PCDHGA6: variants seen among roughly 807,000 people sequenced by gnomAD.
The protein encoded by PCDHGA6 is protocadherin gamma subfamily A, 6, also known as protocadherin gamma-A6.
Under a neutral mutation model 60.6 loss-of-function variants are expected in PCDHGA6, and 41 were observed. The ratio of observed to expected loss-of-function variants is 0.68; its 90% CI spans 0.53 to 0.88. The LOEUF is 0.88. PCDHGA6 is among the 40% of genes least tolerant of loss of function. The pLI, the probability that PCDHGA6 is intolerant of heterozygous loss-of-function variation, is 0.00. For synonymous variants in PCDHGA6, 594 were observed against 524.4 expected (o/e 1.13, Z -1.81); for missense variants, 1,312 against 1,203.0 (o/e 1.09, Z -1.34).
rs968865313 is a variant in PCDHGA6, at chr5:141,511,294, C to T, written c.*121C>T. 1 of 1,506,752 alleles carries T rather than the reference C, an allele frequency of 6.6e-7. No individual in the cohort carries two copies. Among genetic ancestry groups the T allele is most frequent in the Non-Finnish European group, 8.9e-7 (1 of 1,123,692 alleles). 93.3% of individuals were successfully genotyped at this position (1,506,752 alleles called of 1,614,324 possible). On this transcript the variant is annotated 3_prime_UTR_variant, in exon 4 of 4. Coordinates refer to ENST00000517434, the MANE Select transcript of PCDHGA6 (RefSeq NM_018919.3). ...CCCAGAATACTGGTAGGGGCCAAGG[C>T]CATGCTCCCCTTGGGAAACAGAAAC...
chr5:141,375,706 T>A lies in PCDHGA6; in HGVS notation c.1623T>A (p.Pro541=), dbSNP rs1771783904. 12 of 1,614,114 alleles carry A rather than the reference T, an allele frequency of 7.4e-6. No individual in the cohort carries two copies. The East Asian group carries it at 2.2e-4, about 30-fold the overall frequency. Residue 541 remains proline (P), a synonymous_variant, in exon 1 of 4, where the codon CCT becomes CCA. Coordinates refer to ENST00000517434, the MANE Select transcript of PCDHGA6 (RefSeq NM_018919.3). The part of the protein sequence containing the change: ...WVTASDSGDP[P]LSSNVSLSLF... ...CAGCCAGCGACAGCGGGGACCCGCCTCTTAGCAGCAACGTGTCACTGAGCC... is the reference window on the plus strand; with the variant it reads ...CAGCCAGCGACAGCGGGGACCCGCCACTTAGCAGCAACGTGTCACTGAGCC...
At chr5:141,384,938 C>T (rs754481008) in intron 1 of PCDHGA6, 26 of 1,613,824 alleles carry the variant, frequency 1.6e-5, no homozygotes, top group Non-Finnish European at 2.2e-5. Flanking sequence ...AGCCTTGAGC[C>T]CTCCGACGGT....
intron 1 of PCDHGA6, chr5:141,407,890 A>C (rs2094997846): frequency 2.5e-6 from 1 of 395,960 alleles, no homozygotes. Flanking sequence ...TCGGAGACCG[A>C]ATTCAAAATG....
rs146372628 is a variant in PCDHGA6, at chr5:141,476,246, G to A, written c.2425-18561G>A. On this transcript the variant is annotated intron_variant, in intron 1 of 3. Coordinates refer to ENST00000517434, the MANE Select transcript of PCDHGA6 (RefSeq NM_018919.3). The surrounding 1 kb of genome is among the most constrained non-coding windows in gnomAD (Gnocchi z 7.6). ...TGAGATCCCGGAGGAAAGAGAGAAG[G>A]GTTTCGCTGTGGGCAACGTGGTCGC... 1.0e-3 allele frequency: 1,689 copies of A among 1,613,996 alleles called. 1 individual carries two copies. Among genetic ancestry groups the A allele is most frequent in the Non-Finnish European group, 1.3e-3 (1,557 of 1,180,008 alleles).
Position 141,491,170 on chromosome 5 carries a change from G to A in PCDHGA6, c.2425-3637G>A. The stretch of plus-strand genomic sequence containing the variant: ...GGAGGATGACTCTGACACCCAGCAG[G>A]TGGTGGTCCTGGTGAGGGACAATGG... On this transcript the variant is annotated intron_variant, in intron 1 of 3. Coordinates refer to ENST00000517434, the MANE Select transcript of PCDHGA6 (RefSeq NM_018919.3). The surrounding 1 kb of genome is among the most constrained non-coding windows in gnomAD (Gnocchi z 6.9). 6.2e-7 allele frequency: 1 copy of A among 1,614,176 alleles called. No individual in the cohort carries two copies. Among genetic ancestry groups the A allele is most frequent in the Non-Finnish European group, 8.5e-7 (1 of 1,179,996 alleles).
intron 1 of PCDHGA6, chr5:141,396,465 C>T (rs1471669939): frequency 6.6e-6 from 1 of 152,072 alleles, no homozygotes; most frequent in African/African-American, 2.4e-5. Flanking sequence ...CTAAAAACTA[C>T]AAAAATTAGC....
intron 1 of PCDHGA6, among the ~76,000 whole-genome samples, chr5:141,482,944 G>A (rs1362136222): frequency 6.6e-6 from 1 of 152,094 alleles, no homozygotes; most frequent in Non-Finnish European, 1.5e-5. Context: ...GTGGTTGTGG[G>A]TGCCTGTAAT....
At chr5:141,385,055 G>A (rs773905363) in intron 1 of PCDHGA6, 3 of 1,614,182 alleles carry the variant, frequency 1.9e-6, no homozygotes, top group South Asian at 1.1e-5. Context: ...CTGCGGCGCT[G>A]GCACAAGTCA....
Position 141,375,120 on chromosome 5 carries a change from A to G in PCDHGA6, c.1037A>G (p.Glu346Gly), listed in dbSNP as rs2150053387. ...TTGGATGTCAATGATAATGTACCAG[A>G]AGTGGTTGTTACATCTGGAAGCAGA... ...TILDVNDNVP[E>G]VVVTSGSRTI... The change falls in exon 1 of 4, where the codon GAA (glutamate) becomes GGA (glycine). Residue 346 changes from glutamate to glycine, a missense_variant. Physicochemically the swap from Glu to Gly is moderately conservative, Grantham distance 98. Coordinates refer to ENST00000517434, the MANE Select transcript of PCDHGA6 (RefSeq NM_018919.3). 1 of 1,613,952 alleles carries G rather than the reference A, an allele frequency of 6.2e-7. No individual in the cohort carries two copies. Among genetic ancestry groups the G allele is most frequent in the South Asian group, 1.1e-5 (1 of 91,082 alleles).
At chr5:141,389,842 C>T (rs779733638) in intron 1 of PCDHGA6, 21 of 1,614,018 alleles carry the variant, frequency 1.3e-5, no homozygotes, top group Non-Finnish European at 1.7e-5. Context: ...CCACCACTCT[C>T]GGCCACTGCC....
rs752680691 is a variant in PCDHGA6, at chr5:141,433,173, G to A, written c.2424+56666G>A. Reference sequence around the variant, plus strand: ...TCGGTATTTTCTAAAGACAGTCATGGGTTAATTGAGGTGAGTTTATATCAA... The same window carrying A: ...TCGGTATTTTCTAAAGACAGTCATGAGTTAATTGAGGTGAGTTTATATCAA... On this transcript the variant is annotated intron_variant, in intron 1 of 3. Coordinates refer to ENST00000517434, the MANE Select transcript of PCDHGA6 (RefSeq NM_018919.3). 3.1e-6 allele frequency: 5 copies of A among 1,610,344 alleles called. 1 individual carries two copies. In the Middle Eastern group the frequency reaches 5.0e-4, roughly 160 times the overall value.
intron 1 of PCDHGA6, chr5:141,419,088 T>G (rs2096325159): frequency 1.2e-6 from 2 of 1,613,940 alleles, no homozygotes; most frequent in Non-Finnish European, 1.7e-6. Flanking sequence ...GATGAGGCCC[T>G]GGATCGGGAG....
Position 141,432,972 on chromosome 5 carries a change from C to T in PCDHGA6, c.2424+56465C>T. 1 of 1,614,218 alleles carries T rather than the reference C, an allele frequency of 6.2e-7. No homozygotes were observed. Among genetic ancestry groups the T allele is most frequent in the African/African-American group, 1.3e-5 (1 of 75,058 alleles). ...GGCGGCTTGACAGGAGCGCCGGCGT[C>T]GCACTTTGTGGGCGTGGACGGGGTG... On this transcript the variant is annotated intron_variant, in intron 1 of 3. Coordinates refer to ENST00000517434, the MANE Select transcript of PCDHGA6 (RefSeq NM_018919.3). This position sits in a 1 kb window ranked among gnomAD's most constrained non-coding sequence, Gnocchi z 6.0.
intron 1 of PCDHGA6, chr5:141,430,693 C>A: frequency 1.4e-6 from 2 of 1,425,428 alleles, no homozygotes; most frequent in Admixed American, 2.6e-5. Context: ...ATTCTATGGG[C>A]GAAGGAACTG....
Position 141,395,019 on chromosome 5 carries a change from C to G in PCDHGA6, c.2424+18512C>G, listed in dbSNP as rs374672662. On this transcript the variant is annotated intron_variant, in intron 1 of 3. Transcript: ENST00000517434. ...TTCCGGTGGCAGATTGGTAGGCGTG[C>G]CTGCCTCACATTTTGTGGGTGTTGA... The G allele has an allele frequency of 3.7e-6, 6 of 1,613,986 alleles. No homozygotes were observed. Among genetic ancestry groups the G allele is most frequent in the Non-Finnish European group, 5.1e-6 (6 of 1,180,016 alleles).
intron 1 of PCDHGA6, chr5:141,430,691 G>A (rs1479214920): frequency 7.1e-7 from 1 of 1,416,592 alleles, no homozygotes; most frequent in Non-Finnish European, 9.4e-7. Context: ...CCATTCTATG[G>A]GCGAAGGAAC....
Position 141,491,078 on chromosome 5 carries a change from C to G in PCDHGA6, c.2425-3729C>G, listed in dbSNP as rs1386717886. The G allele has an allele frequency of 5.6e-6, 9 of 1,614,194 alleles. No homozygotes were observed. Among genetic ancestry groups the G allele is most frequent in the East Asian group, 4.5e-5 (2 of 44,882 alleles). ...CTCTCCTACTCACTGTTGCCACAGTCCACAGCCCCAGGACTGTTCCTCGTG... is the reference window on the plus strand; with the variant it reads ...CTCTCCTACTCACTGTTGCCACAGTGCACAGCCCCAGGACTGTTCCTCGTG... On this transcript the variant is annotated intron_variant, in intron 1 of 3. Transcript: ENST00000517434. This position sits in a 1 kb window ranked among gnomAD's most constrained non-coding sequence, Gnocchi z 6.9.
chr5:141,472,339 A>T (rs1330302365), intron 1 of PCDHGA6, among the ~76,000 whole-genome samples: 1 of 151,906 alleles, frequency 6.6e-6, no homozygotes, highest in Non-Finnish European at 1.5e-5. Flanking sequence ...TGGGAGATCG[A>T]GACCATCCTG....
chr5:141,375,075 C>A lies in PCDHGA6; in HGVS notation c.992C>A (p.Ala331Glu). ...ARDGPGLRDR[A>E]KVLITILDVN... The stretch of plus-strand genomic sequence containing the variant: ...GATGGGCCAGGTCTTCGAGACAGAG[C>A]GAAAGTCTTAATAACTATCTTGGAT... The change falls in exon 1 of 4, where the codon GCG (alanine) becomes GAG (glutamate). Residue 331 changes from alanine (A) to glutamate (E), a missense_variant. Transcript: ENST00000517434. 4 of 1,613,926 alleles carry A rather than the reference C, an allele frequency of 2.5e-6. No individual in the cohort carries two copies. The highest frequency in any genetic ancestry group is 1.6e-4 in the Middle Eastern group (1 of 6,062).
Sources: allele counts gnomAD v4.1 joint callset (sites outside exome capture counted in the v4.1 genomes callset), GRCh38; gene constraint gnomAD v4.1.1; non-coding constraint Gnocchi (gnomAD v3.1); transcripts MANE v1.5; gene names NCBI Gene and HGNC (gene_info 2026-07-23, HGNC 2026-07-21).